Variants in DAB1 observed in about 807,000 individuals in gnomAD.
DAB1 encodes DAB adaptor protein 1.
In DAB1, 15 loss-of-function variants were observed where a neutral mutation model predicts 64.6. The observed-to-expected ratio is 0.23, with a 90% CI of 0.16 to 0.36. DAB1 has a LOEUF of 0.36. DAB1 is among the 10% of genes least tolerant of loss of function. The pLI is 1.00. For missense variants in DAB1, 596 were observed against 706.7 expected (o/e 0.84, Z 1.78); for synonymous variants, 235 against 251.9 (o/e 0.93, Z 0.64).
At chr1:57,384,894 C>T (rs1258384973) in intron 1 of DAB1, among the ~76,000 whole-genome samples, 1 of 152,128 alleles carries the variant, frequency 6.6e-6, no homozygotes. Context: ...TACTTCATAT[C>T]ACAATTAAAA....
At chr1:58,512,946 C>T (rs1646104255) in intron 2 of DAB1, among the ~76,000 whole-genome samples, 1 of 152,116 alleles carries the variant, frequency 6.6e-6, no homozygotes, top group African/African-American at 2.4e-5. Flanking sequence ...AAAATAAAGG[C>T]ATTTTTAAAA....
At position 57,757,760 on chromosome 1, in the gene DAB1, G is replaced by A. The variant is rs112148327; in HGVS notation, n.552-108095C>T. Among the ~76,000 whole-genome samples, 692 of 152,122 alleles carry A rather than the reference G, an allele frequency of 4.5e-3. 7 individuals are homozygous for A. The highest frequency in any genetic ancestry group is 0.016 in the African/African-American group (660 of 41,498). ...GACTCCATTTTAACTTTTTTGGCGG[G>A]GACACAATTCAAGCCATAATAGGCA... On this transcript the variant is annotated intron_variant and non_coding_transcript_variant, in intron 6 of 20. Coordinates refer to the DAB1 transcript ENST00000485760.
intron 1 of DAB1, among the ~76,000 whole-genome samples, chr1:58,528,898 T>C (rs775235648): frequency 2.0e-4 from 30 of 152,324 alleles, no homozygotes; most frequent in Middle Eastern, 6.8e-3. Context: ...TTTATTTTCA[T>C]TGACGAATTA....
At chr1:57,579,915 T>A (rs895983046) in intron 7 of DAB1, among the ~76,000 whole-genome samples, 3 of 152,108 alleles carry the variant, frequency 2.0e-5, no homozygotes, top group African/African-American at 4.8e-5. Flanking sequence ...AAACATAGCC[T>A]ACCATGCAGG....
chr1:57,084,029 C>T (rs966524569), intron 4 of DAB1, among the ~76,000 whole-genome samples: 7 of 152,224 alleles, frequency 4.6e-5, no homozygotes, highest in Non-Finnish European at 1.0e-4. Flanking sequence ...AAATATTCTG[C>T]TATCCAAATT....
chr1:57,604,444 T>C (rs1269709951), intron 7 of DAB1, among the ~76,000 whole-genome samples: 1 of 151,566 alleles, frequency 6.6e-6, no homozygotes, highest in Admixed American at 6.6e-5. Context: ...GCTAGCCACA[T>C]GAAAGAACAG....
At chr1:57,045,711 A>G (rs1648389767) in intron 9 of DAB1, among the ~76,000 whole-genome samples, 1 of 152,182 alleles carries the variant, frequency 6.6e-6, no homozygotes, top group Admixed American at 6.5e-5. Context: ...AAAATAAAAA[A>G]GGAAAAAGAA....
At chr1:58,260,481 C>T (rs543473557) in intron 4 of DAB1, among the ~76,000 whole-genome samples, 14 of 152,200 alleles carry the variant, frequency 9.2e-5, no homozygotes, top group South Asian at 8.3e-4. Flanking sequence ...CACATGGGGC[C>T]GTATGCCCAT....
intron 4 of DAB1, among the ~76,000 whole-genome samples, chr1:58,249,502 G>C (rs1375559846): frequency 6.6e-6 from 1 of 152,030 alleles, no homozygotes. Flanking sequence ...GCATGCGTCC[G>C]GATGGCGGGA....
rs143534813 is a variant in DAB1 at position 57,744,038 on chromosome 1, G to C, written n.552-94373C>G. ...CCAGGTGTTCCTTGCCCTCATTCTCGTAAACCCACAACCTTCCAGCTTGGG... is the reference window on the plus strand; with the variant it reads ...CCAGGTGTTCCTTGCCCTCATTCTCCTAAACCCACAACCTTCCAGCTTGGG... On this transcript the variant is annotated intron_variant and non_coding_transcript_variant, in intron 6 of 20. Transcript: ENST00000485760. 2.4e-4 allele frequency among the ~76,000 whole-genome samples: 36 copies of C among 152,284 alleles called. No individual in the cohort carries two copies. The East Asian group carries it at 5.6e-3, about 24-fold the overall frequency.
intron 1 of DAB1, among the ~76,000 whole-genome samples, chr1:57,418,187 A>T (rs1420302554): frequency 6.6e-6 from 1 of 152,206 alleles, no homozygotes; most frequent in East Asian, 1.9e-4. Context: ...TGGACATAGA[A>T]GTGATGTTTA....
chr1:57,871,421 C>T (rs542799567), intron 1 of DAB1, among the ~76,000 whole-genome samples: 1 of 151,886 alleles, frequency 6.6e-6, no homozygotes, highest in Non-Finnish European at 1.5e-5. Context: ...AAATTGAAGC[C>T]CAGAGAAATT....
At chr1:57,664,797 T>C (rs1297033002) in intron 6 of DAB1, among the ~76,000 whole-genome samples, 1 of 151,998 alleles carries the variant, frequency 6.6e-6, no homozygotes, top group Non-Finnish European at 1.5e-5. Flanking sequence ...ATTAGAATGT[T>C]TTCTTAACAT....
At chr1:57,153,383 A>G (rs998276134) in intron 2 of DAB1, among the ~76,000 whole-genome samples, 12 of 152,180 alleles carry the variant, frequency 7.9e-5, no homozygotes, top group African/African-American at 2.7e-4. Flanking sequence ...AAAATCAAAC[A>G]TAAATAGACA....
At chr1:57,548,666 T>G (rs1644881734) in intron 7 of DAB1, among the ~76,000 whole-genome samples, 1 of 152,354 alleles carries the variant, frequency 6.6e-6, no homozygotes, top group African/African-American at 2.4e-5. Context: ...CCTTTGCAAC[T>G]TAGCCTACCA....
intron 5 of DAB1, among the ~76,000 whole-genome samples, chr1:58,142,094 C>A (rs1654317023): frequency 6.6e-6 from 1 of 152,100 alleles, no homozygotes; most frequent in Admixed American, 6.5e-5. Context: ...GCTTCAGGGA[C>A]CTTCTCTGTG....
At chr1:57,021,068 A>G (rs1396203030) in intron 11 of DAB1, among the ~76,000 whole-genome samples, 1 of 152,228 alleles carries the variant, frequency 6.6e-6, no homozygotes, top group Non-Finnish European at 1.5e-5. Flanking sequence ...AGGGAGAAAT[A>G]GGGCACACAG....
chr1:57,484,923 C>T (rs1003378244), intron 7 of DAB1, among the ~76,000 whole-genome samples: 2 of 152,114 alleles, frequency 1.3e-5, no homozygotes, highest in African/African-American at 2.4e-5. Context: ...TGGAAAATCA[C>T]GAGACTGTAT....
intron 4 of DAB1, among the ~76,000 whole-genome samples, chr1:58,297,563 G>A (rs1175543459): frequency 1.3e-5 from 2 of 152,116 alleles, no homozygotes; most frequent in African/African-American, 2.4e-5. Flanking sequence ...CTTCTCCGCA[G>A]GTTCAGGAGA....
Sources: allele counts gnomAD v4.1 joint callset (sites outside exome capture counted in the v4.1 genomes callset), GRCh38; gene constraint gnomAD v4.1.1; transcripts MANE v1.5; gene names NCBI Gene and HGNC (gene_info 2026-07-23, HGNC 2026-07-21).